CNTRL: variants seen among roughly 807,000 people sequenced by gnomAD.
The protein encoded by CNTRL is centriolin.
In CNTRL, 233 loss-of-function variants were observed where a neutral mutation model predicts 303.7. The ratio of observed to expected loss-of-function variants is 0.77; its 90% confidence interval spans 0.69 to 0.86. The LOEUF is 0.86. CNTRL is among the 40% of genes least tolerant of loss of function. The pLI is 0.00. For synonymous variants in CNTRL, 900 were observed against 922.2 expected, an observed-to-expected ratio of 0.98 and a Z score of 0.44; for missense variants, 2,524 against 2,650.6, an observed-to-expected ratio of 0.95 and a Z score of 1.05.
chr9:121,084,546 A>T (rs1342877500), intron 2 of CNTRL, among the ~76,000 whole-genome samples: 7 of 145,436 alleles, frequency 4.8e-5, no homozygotes, highest in East Asian at 2.0e-4. Context: ...AGAGGATGTC[A>T]TTTTTTTTTT....
intron 7 of CNTRL, among the ~76,000 whole-genome samples, chr9:121,100,736 C>CA (rs2049120171): frequency 6.6e-6 from 1 of 151,640 alleles, no homozygotes; most frequent in African/African-American, 2.4e-5. Flanking sequence ...AAATGGAAAG[C>CA]AAAAAAAGGC....
intron 14 of CNTRL, among the ~76,000 whole-genome samples, chr9:121,131,218 A>G (rs528708214): frequency 9.9e-5 from 15 of 152,146 alleles, no homozygotes; most frequent in African/African-American, 3.4e-4. Flanking sequence ...TCTGTCTAAT[A>G]TTGACAGTGG....
At chr9:121,147,153 C>G (rs1036410001) in intron 23 of CNTRL, among the ~76,000 whole-genome samples, 1 of 152,164 alleles carries the variant, frequency 6.6e-6, no homozygotes, top group Non-Finnish European at 1.5e-5. Flanking sequence ...TAGGCATGCG[C>G]CACCACGCCT....
At position 121,144,127 on chromosome 9, in the gene CNTRL, G is replaced by C. The variant is rs1199345759; in HGVS notation, c.3051+45G>C. The C allele has an allele frequency of 2.7e-6, 4 of 1,494,204 alleles. No homozygotes were observed. In the South Asian group the frequency reaches 5.1e-5, roughly 19 times the overall value. 92.6% of individuals were successfully genotyped at this position (1,494,204 alleles called of 1,614,324 possible). On this transcript the variant is annotated intron_variant, in intron 20 of 43. Coordinates refer to ENST00000373855, the MANE Select transcript of CNTRL (RefSeq NM_007018.6). ...ACAGGTTTCCATCAATGATGCTGCT[G>C]TCAAAAAACATGGCAACTTGTATTA...
At chr9:121,154,311 A>C (rs1236351667) in intron 26 of CNTRL, among the ~76,000 whole-genome samples, 1 of 152,162 alleles carries the variant, frequency 6.6e-6, no homozygotes, top group Non-Finnish European at 1.5e-5. Context: ...TAAATCACAA[A>C]ATCAGGTAGT....
At chr9:121,096,742 T>G (rs976327767) in intron 6 of CNTRL, among the ~76,000 whole-genome samples, 179 bp downstream of exon 6, 3 of 152,210 alleles carry the variant, frequency 2.0e-5, no homozygotes, top group African/African-American at 7.2e-5. Context: ...GTCCTCATTT[T>G]GCATGGGTTC....
chr9:121,117,489 A>G (rs8181113), intron 11 of CNTRL, among the ~76,000 whole-genome samples: 57,965 of 151,998 alleles, frequency 0.38, 12,467 homozygotes, highest in South Asian at 0.64. Flanking sequence ...TTGGTTGACT[A>G]TCTTCATATT....
rs1232419033 is a variant in CNTRL at position 121,137,657 on chromosome 9, A to G, written c.2203-888A>G. The stretch of plus-strand genomic sequence containing the variant: ...CTCGAGTACCGAGTTTTGTAGAAGT[A>G]TAGTTGACAAGATCAGAGTCTCAGA... On this transcript the variant is annotated intron_variant, in intron 15 of 43. Coordinates refer to ENST00000373855, the MANE Select transcript of CNTRL (RefSeq NM_007018.6). Among the ~76,000 whole-genome samples, 6 of 152,340 alleles carry G rather than the reference A, an allele frequency of 3.9e-5. No individual in the cohort carries two copies. The East Asian group carries it at 1.2e-3, about 29-fold the overall frequency.
chr9:121,142,392 TG>T, intron 19 of CNTRL, 122 bp downstream of exon 19: 2 of 763,624 alleles, frequency 2.6e-6, no homozygotes, highest in South Asian at 6.2e-5. Context: ...GCTGGCACAG[TG>T]CTGAACCTGA....
Position 121,138,650 on chromosome 9 carries a change from G to A in CNTRL, c.2308G>A (p.Glu770Lys), listed in dbSNP as rs778997658. ...AGAAGAAAAGGAGCAAGAGAACAGT[G>A]AGCTCCATGCAAAACTTAAACACTT... ...FSEEKEQENS[E>K]LHAKLKHLQD... Residue 770 changes from glutamate to lysine, a missense_variant, in exon 16 of 44, where the codon GAG (glutamate) becomes AAG (lysine). Physicochemically the swap from Glu to Lys is moderately conservative, Grantham distance 56. Coordinates refer to ENST00000373855, the MANE Select transcript of CNTRL (RefSeq NM_007018.6). 6.2e-7 allele frequency: 1 copy of A among 1,613,798 alleles called. No homozygotes were observed. The highest frequency in any genetic ancestry group is 1.3e-5 in the African/African-American group (1 of 74,916).
Position 121,126,554 on chromosome 9 carries a change from A to C in CNTRL, c.2025+618A>C, listed in dbSNP as rs372966923. ...CTCAGGCATATTTAAAAAATCACAAATAATATTTAACATCATGTACTGACA... is the reference window on the plus strand; with the variant it reads ...CTCAGGCATATTTAAAAAATCACAACTAATATTTAACATCATGTACTGACA... On this transcript the variant is annotated intron_variant, in intron 14 of 43. Coordinates refer to ENST00000373855, the MANE Select transcript of CNTRL (RefSeq NM_007018.6). Among the ~76,000 whole-genome samples the C allele has an allele frequency of 1.1e-4, 17 of 152,314 alleles. No individual in the cohort carries two copies. The East Asian group carries it at 1.9e-3, about 17-fold the overall frequency.
intron 26 of CNTRL, 70 bp from the exon 27 acceptor site, chr9:121,154,651 T>C: frequency 1.2e-6 from 1 of 847,056 alleles, no homozygotes; most frequent in Non-Finnish European, 1.9e-6. Flanking sequence ...ATCTTTTTAG[T>C]AGTTAGGCTA....
chr9:121,122,833 G>A (rs777004951), intron 12 of CNTRL, among the ~76,000 whole-genome samples: 1 of 152,158 alleles, frequency 6.6e-6, no homozygotes, highest in Non-Finnish European at 1.5e-5. Context: ...CAGGGTGCGG[G>A]AGGGTGTGTG....
intron 39 of CNTRL, among the ~76,000 whole-genome samples, chr9:121,170,356 C>T (rs1040868218): frequency 1.3e-5 from 2 of 152,118 alleles, no homozygotes; most frequent in African/African-American, 4.8e-5. Context: ...GTTGACCAGG[C>T]TAGTCCTGAA....
chr9:121,122,767 C>G (rs1215154041), intron 12 of CNTRL, among the ~76,000 whole-genome samples: 2 of 152,142 alleles, frequency 1.3e-5, no homozygotes, highest in African/African-American at 2.4e-5. Context: ...CCTAGCACAC[C>G]TGAGAAATAC....
At chr9:121,103,955 G>A (rs2049318321) in intron 7 of CNTRL, among the ~76,000 whole-genome samples, 1 of 152,202 alleles carries the variant, frequency 6.6e-6, no homozygotes, top group Admixed American at 6.5e-5. Context: ...AACCTTTGTG[G>A]AAGACTGTGT....
intron 4 of CNTRL, among the ~76,000 whole-genome samples, chr9:121,094,120 A>G (rs1446717365): frequency 1.4e-5 from 1 of 72,894 alleles, no homozygotes; most frequent in Non-Finnish European, 3.1e-5. Flanking sequence ...CCCCCTCCCC[A>G]CCCCCGCAAA....
At chr9:121,143,838 G>C in intron 19 of CNTRL, 65 bp from the exon 20 acceptor site, 1 of 1,328,158 alleles carries the variant, frequency 7.5e-7, no homozygotes, top group South Asian at 1.4e-5. Context: ...CCCTCCTGGA[G>C]CTTACATCTG....
Position 121,173,690 on chromosome 9 carries a change from G to A in CNTRL, c.6700G>A (p.Gly2234Arg), listed in dbSNP as rs1362338186. Residue 2234 changes from glycine to arginine, a missense_variant, in exon 42 of 44, where the codon GGA becomes AGA. Transcript: ENST00000373855. ...TCTGAGAAAGGATGAACACTGGCGT[G>A]GAGAAGCACTCCGGGAGAAACTGCG... ...QVHIMDEHWR[G>R]EALREKLRHR... The A allele has an allele frequency of 1.9e-6, 3 of 1,614,116 alleles. No individual in the cohort carries two copies. Among genetic ancestry groups the A allele is most frequent in the Non-Finnish European group, 2.5e-6 (3 of 1,179,992 alleles).
Sources: allele counts gnomAD v4.1 joint callset (sites outside exome capture counted in the v4.1 genomes callset), GRCh38; gene constraint gnomAD v4.1.1; transcripts MANE v1.5; gene names NCBI Gene and HGNC (gene_info 2026-07-23, HGNC 2026-07-21).